Variants in CCDC148 observed in about 807,000 individuals in gnomAD.
CCDC148 encodes the protein coiled-coil domain-containing protein 148.
CCDC148 carries 89 observed loss-of-function variants against 85.7 expected under a neutral mutation model. The observed-to-expected ratio is 1.04, with a 90% CI of 0.87 to 1.24. The LOEUF is 1.24. Among genes scored for constraint, CCDC148 ranks in the 50% most tolerant of loss-of-function variants. CCDC148 has a pLI of 0.00. For missense variants in CCDC148, 692 were observed against 671.7 expected, an observed-to-expected ratio of 1.03 and a Z score of -0.33; for synonymous variants, 230 against 213.9, an observed-to-expected ratio of 1.08 and a Z score of -0.66.
At chr2:158,389,029 A>C (rs1420293889) in intron 1 of CCDC148, among the ~76,000 whole-genome samples, 1 of 152,212 alleles carries the variant, frequency 6.6e-6, no homozygotes, top group Non-Finnish European at 1.5e-5. Flanking sequence ...ACACTGTCAC[A>C]AAGGTAACTC....
At chr2:158,369,723 G>A (rs1574708306) in intron 1 of CCDC148, among the ~76,000 whole-genome samples, 1 of 152,114 alleles carries the variant, frequency 6.6e-6, no homozygotes, top group African/African-American at 2.4e-5. Context: ...CAGGAGTGGT[G>A]GGAGAGGGCA....
At chr2:158,397,654 G>A (rs1439926034) in intron 1 of CCDC148, among the ~76,000 whole-genome samples, 3 of 152,000 alleles carry the variant, frequency 2.0e-5, no homozygotes, top group South Asian at 4.1e-4. Flanking sequence ...AGGAACAACC[G>A]GTACCAGCCA....
At chr2:158,186,093 T>A (rs539427102) in intron 11 of CCDC148, among the ~76,000 whole-genome samples, 3 of 152,062 alleles carry the variant, frequency 2.0e-5, no homozygotes, top group Non-Finnish European at 4.4e-5. Flanking sequence ...GGAGGCTGAG[T>A]TTTTCTGGCT....
At chr2:158,207,744 GATAAAAGTCA>G (rs1343242186) in intron 11 of CCDC148, 1 of 152,182 alleles carries the variant, frequency 6.6e-6, no homozygotes, top group Non-Finnish European at 1.5e-5. Context: ...GTATGCCAGG[GATAAAAGTCA>G]ACCTATGCAA....
intron 12 of CCDC148, among the ~76,000 whole-genome samples, chr2:158,176,998 C>A (rs745841612): frequency 6.6e-6 from 1 of 152,120 alleles, no homozygotes; most frequent in African/African-American, 2.4e-5. Flanking sequence ...ATTCAACCAA[C>A]TTGAAAGTCA....
At chr2:158,210,787 CAAA>C (rs34273946) in intron 11 of CCDC148, among the ~76,000 whole-genome samples, 3 of 89,452 alleles carry the variant, frequency 3.4e-5, no homozygotes, top group African/African-American at 4.9e-5. Flanking sequence ...ACTAAAAATA[CAAA>C]AAAAAAAAAA....
intron 1 of CCDC148, among the ~76,000 whole-genome samples, chr2:158,429,800 A>T (rs1687256680): frequency 6.6e-6 from 1 of 152,164 alleles, no homozygotes; most frequent in Non-Finnish European, 1.5e-5. Flanking sequence ...CAGGCAAAAC[A>T]TGTCTGTGAT....
In CCDC148 at chr2:158,220,655, A is replaced by G. The variant is rs778137333; in HGVS notation, c.1310T>C (p.Leu437Pro). 2 of 1,598,740 alleles carry G rather than the reference A, an allele frequency of 1.3e-6. No individual in the cohort carries two copies. The highest frequency in any genetic ancestry group is 2.7e-5 in the African/African-American group (2 of 73,714). Residue 437 changes from leucine (L) to proline (P), a missense_variant, in exon 11 of 14, where the codon CTT becomes CCT. By Grantham distance (98) the Leu-to-Pro change is moderately conservative. Transcript: ENST00000283233. Reference protein sequence around the residue: ...QKWQEMEMRDLQRLEELKKLI... With the variant: ...QKWQEMEMRDPQRLEELKKLI... ...TTTCTTCAGTTCTTCTAGACGCTGA[A>G]GATCTCTCATTTCCATTTCTTGCCA...
At chr2:158,351,496 C>T (rs1392748330) in intron 2 of CCDC148, among the ~76,000 whole-genome samples, 11 of 151,596 alleles carry the variant, frequency 7.3e-5, no homozygotes, top group Non-Finnish European at 1.5e-4. Context: ...TCACTCCCAC[C>T]TGAATACTGC....
chr2:158,324,371 A>G (rs1442089851), intron 7 of CCDC148, among the ~76,000 whole-genome samples: 1 of 152,234 alleles, frequency 6.6e-6, no homozygotes, highest in Admixed American at 6.5e-5. Flanking sequence ...ACATAGCAAC[A>G]TATTCAAACC....
At chr2:158,179,932 A>C (rs1458445655) in intron 11 of CCDC148, among the ~76,000 whole-genome samples, 1 of 152,094 alleles carries the variant, frequency 6.6e-6, no homozygotes, top group African/African-American at 2.4e-5. Flanking sequence ...GGCCCACTTA[A>C]ATACCAGCTT....
chr2:158,453,348 G>A (rs941878176), intron 1 of CCDC148, among the ~76,000 whole-genome samples: 2 of 152,176 alleles, frequency 1.3e-5, no homozygotes, highest in African/African-American at 4.8e-5. Context: ...GCAGAGCCAT[G>A]GGAGGATTTG....
chr2:158,355,462 G>A (rs545085226), intron 2 of CCDC148, among the ~76,000 whole-genome samples: 1 of 151,956 alleles, frequency 6.6e-6, no homozygotes, highest in East Asian at 1.9e-4. Context: ...CAAATCATGA[G>A]TGAACTCCCA....
At chr2:158,352,936 A>G (rs1683401242) in intron 2 of CCDC148, among the ~76,000 whole-genome samples, 1 of 151,110 alleles carries the variant, frequency 6.6e-6, no homozygotes, top group Non-Finnish European at 1.5e-5. Flanking sequence ...ATTCTTAAAG[A>G]AAAGAATTTT....
chr2:158,442,056 T>C (rs950406137), intron 1 of CCDC148, among the ~76,000 whole-genome samples: 1 of 152,190 alleles, frequency 6.6e-6, no homozygotes, highest in Non-Finnish European at 1.5e-5. Flanking sequence ...ATCTTGTTAT[T>C]AGATTTGGCT....
intron 9 of CCDC148, among the ~76,000 whole-genome samples, chr2:158,281,818 CA>C (rs1690320770): frequency 6.6e-6 from 1 of 152,010 alleles, no homozygotes; most frequent in South Asian, 2.1e-4. Context: ...GGCAGAGACA[CA>C]ACAAAAAAAG....
chr2:158,408,817 C>G (rs1443277849), intron 1 of CCDC148, among the ~76,000 whole-genome samples: 2 of 151,872 alleles, frequency 1.3e-5, no homozygotes, highest in Admixed American at 6.6e-5. Context: ...CAATAATGTC[C>G]AGGGTTCTAT....
At chr2:158,452,022 A>C (rs938025734) in intron 1 of CCDC148, among the ~76,000 whole-genome samples, 1 of 152,350 alleles carries the variant, frequency 6.6e-6, no homozygotes, top group East Asian at 1.9e-4. Flanking sequence ...TATGAGGAGA[A>C]TAGTGTAAAG....
intron 8 of CCDC148, among the ~76,000 whole-genome samples, chr2:158,311,508 C>T (rs6755734): frequency 0.065 from 9,815 of 151,968 alleles, 381 homozygotes; most frequent in Non-Finnish European, 0.081. Flanking sequence ...AAGCGGGAGA[C>T]GGAGATGACG....
Sources: gnomAD v4.1 joint callset for allele counts (sites outside exome capture counted in the v4.1 genomes callset) on GRCh38, gnomAD v4.1.1 for gene constraint, MANE v1.5 for transcripts, NCBI Gene and HGNC (gene_info 2026-07-23, HGNC 2026-07-21) for gene names.